Variants in RAE1 observed in about 807,000 individuals in gnomAD.
RAE1 encodes the protein mRNA export factor RAE1.
A neutral mutation model predicts 52.7 loss-of-function variants in RAE1; 13 were observed. That is an observed-to-expected ratio of 0.25 (90% CI 0.16 to 0.39). The LOEUF is 0.39. RAE1 is among the 10% of genes least tolerant of loss of function. The pLI is 1.00. For missense variants in RAE1, 262 were observed against 459.8 expected (o/e 0.57, Z 3.93); for synonymous variants, 164 against 153.1 (o/e 1.07, Z -0.52).
intron 8 of RAE1, among the ~76,000 whole-genome samples, chr20:57,369,768 C>G (rs1273623390): frequency 6.6e-6 from 1 of 152,198 alleles, no homozygotes; most frequent in Non-Finnish European, 1.5e-5. Flanking sequence ...GTCAGCTTCT[C>G]CTTCCTTTAG....
intron 8 of RAE1, chr20:57,372,787 C>T (rs562249293): frequency 1.3e-5 from 2 of 152,374 alleles, no homozygotes; most frequent in African/African-American, 4.8e-5. Flanking sequence ...GCTCAGATGA[C>T]CAGCTTAGGC....
intron 4 of RAE1, chr20:57,357,515 T>A (rs1360515491): frequency 1.3e-5 from 2 of 152,144 alleles, no homozygotes; most frequent in Non-Finnish European, 2.9e-5. Context: ...AGTTTTCTCA[T>A]AAAAGATGTA....
intron 1 of RAE1, 141 bp from the exon 2 acceptor site, chr20:57,353,891 C>G (rs969711837): frequency 1.8e-5 from 12 of 654,328 alleles, no homozygotes; most frequent in Non-Finnish European, 3.2e-5. Context: ...AAGCACTCTG[C>G]TCATTGCGCT....
intron 4 of RAE1, chr20:57,359,368 C>T (rs6099579): frequency 0.036 from 6,811 of 187,812 alleles, 187 homozygotes; most frequent in African/African-American, 0.088. Flanking sequence ...ATCTTACTTA[C>T]ATTAACATTA....
At chr20:57,372,447 G>A (rs1453192552) in intron 8 of RAE1, 1 of 152,318 alleles carries the variant, frequency 6.6e-6, no homozygotes, top group Non-Finnish European at 1.5e-5. Context: ...CTTGGTGCAA[G>A]TGACACCCCT....
intron 1 of RAE1, among the ~76,000 whole-genome samples, chr20:57,353,390 C>A (rs191600009): frequency 7.2e-5 from 11 of 152,324 alleles, no homozygotes; most frequent in African/African-American, 2.6e-4. Flanking sequence ...CCTGACCAAA[C>A]CCTGGTGGGC....
At chr20:57,371,429 A>G (rs530840289) in intron 8 of RAE1, 2 of 152,360 alleles carry the variant, frequency 1.3e-5, no homozygotes, top group East Asian at 3.9e-4. Flanking sequence ...TCCAAAGAAG[A>G]CATACAAATA....
At chr20:57,373,906 T>A (rs542254022) in intron 10 of RAE1, among the ~76,000 whole-genome samples, 168 bp downstream of exon 10, 24 of 152,206 alleles carry the variant, frequency 1.6e-4, no homozygotes, top group Non-Finnish European at 3.5e-4. Context: ...ATTTTTGTTG[T>A]TGTTTTTGAG....
intron 10 of RAE1, among the ~76,000 whole-genome samples, chr20:57,374,308 G>T (rs1421780978): frequency 1.3e-5 from 2 of 152,186 alleles, no homozygotes; most frequent in African/African-American, 4.8e-5. Context: ...CACACCCACA[G>T]CTCAGACTGA....
chr20:57,377,770 A>G (rs1487734804), intron 11 of RAE1, among the ~76,000 whole-genome samples: 1 of 140,410 alleles, frequency 7.1e-6, no homozygotes, highest in Non-Finnish European at 1.5e-5. Context: ...AGGAACTCAC[A>G]GGTTCCTACT....
chr20:57,373,535 A>G lies in RAE1; in HGVS notation c.703A>G (p.Ser235Gly). The G allele has an allele frequency of 6.2e-7, 1 of 1,614,180 alleles. No individual in the cohort carries two copies. The highest frequency in any genetic ancestry group is 1.1e-5 in the South Asian group (1 of 91,086). ...QNKPTGFALGSIEGRVAIHYI... is the reference protein window; with the variant it reads ...QNKPTGFALGGIEGRVAIHYI... ...CAAGCCTACTGGTTTTGCCCTGGGA[A>G]GTATCGAGGGGAGAGTTGCTATTCA... Residue 235 changes from serine to glycine, a missense_variant, in exon 9 of 12, where the codon AGT (serine) becomes GGT (glycine). Physicochemically the swap from Ser to Gly is moderately conservative, Grantham distance 56. Transcript: ENST00000395841.
In RAE1 at chr20:57,366,911, G is replaced by A. The variant is rs770037130; in HGVS notation, c.462+18G>A. The A allele has an allele frequency of 5.3e-5, 84 of 1,594,682 alleles. No individual in the cohort carries two copies. Among genetic ancestry groups the A allele is most frequent in the Non-Finnish European group, 1.7e-6 (2 of 1,162,538 alleles). On this transcript the variant is annotated intron_variant, in intron 6 of 11. Coordinates refer to ENST00000395841, the MANE Select transcript of RAE1 (RefSeq NM_003610.4). The stretch of plus-strand genomic sequence containing the variant: ...CTTTAAAGGTATAATGTGCAGTTGA[G>A]GCATTGTTTGGCCCCATCAGGATTG...
intron 10 of RAE1, among the ~76,000 whole-genome samples, chr20:57,374,052 T>C (rs1302313540): frequency 6.6e-6 from 1 of 152,138 alleles, no homozygotes; most frequent in African/African-American, 2.4e-5. Context: ...CAGCTAATTT[T>C]TGTATTTTTA....
intron 11 of RAE1, among the ~76,000 whole-genome samples, chr20:57,375,513 G>A (rs920109228): frequency 6.6e-6 from 1 of 152,012 alleles, no homozygotes; most frequent in African/African-American, 2.4e-5. Context: ...GTCTGCCTGC[G>A]CTGACCCCGT....
intron 11 of RAE1, 131 bp downstream of exon 11, chr20:57,374,932 C>T (rs1382843462): frequency 2.0e-6 from 2 of 983,938 alleles, no homozygotes; most frequent in Non-Finnish European, 3.2e-6. Flanking sequence ...CCGTCCCCTC[C>T]CTGTAAGGGG....
At position 57,356,534 on chromosome 20, in the gene RAE1, G is replaced by A. The variant is rs1372423920; in HGVS notation, c.284G>A (p.Ser95Asn). 3 of 1,610,202 alleles carry A rather than the reference G, an allele frequency of 1.9e-6. No individual in the cohort carries two copies. Among genetic ancestry groups the A allele is most frequent in the Non-Finnish European group, 1.7e-6 (2 of 1,176,844 alleles). Residue 95 changes from serine to asparagine, a missense_variant, in exon 4 of 12, where the codon AGT (serine) becomes AAT (asparagine). Physicochemically the swap from Ser to Asn is conservative, Grantham distance 46. Coordinates refer to ENST00000395841, the MANE Select transcript of RAE1 (RefSeq NM_003610.4). ...GGGCCTGTGCTTGATGTCTGCTGGA[G>A]TGACGTACGTTCCCTTCCATTTCTC... ...HTGPVLDVCW[S>N]DDGSKVFTAS...
intron 1 of RAE1, 86 bp from the exon 2 acceptor site, chr20:57,353,946 T>C (rs2066747529): frequency 3.3e-6 from 4 of 1,214,124 alleles, no homozygotes; most frequent in Non-Finnish European, 4.7e-6. Flanking sequence ...TTTGAGTATT[T>C]CTCTTCTGCC....
At chr20:57,366,184 T>A (rs545147612) in intron 5 of RAE1, among the ~76,000 whole-genome samples, 2 of 152,294 alleles carry the variant, frequency 1.3e-5, no homozygotes, top group East Asian at 3.9e-4. Context: ...CTCGCACATA[T>A]GTCTTAATTA....
At chr20:57,356,674 C>T in intron 4 of RAE1, 136 bp downstream of exon 4, 4 of 799,518 alleles carry the variant, frequency 5.0e-6, no homozygotes, top group Non-Finnish European at 7.5e-6. Flanking sequence ...TAAATATAGT[C>T]ATTTATTGAT....
Sources: allele counts gnomAD v4.1 joint callset (sites outside exome capture counted in the v4.1 genomes callset), GRCh38; gene constraint gnomAD v4.1.1; transcripts MANE v1.5; gene names NCBI Gene and HGNC (gene_info 2026-07-23, HGNC 2026-07-21).